The following GTF2I variants were observed in gnomAD, a reference collection of about 807,000 sequenced individuals.
GTF2I encodes the protein general transcription factor IIi.
GTF2I carries 12 observed loss-of-function variants against 67.6 expected under a neutral mutation model. The ratio of observed to expected loss-of-function variants is 0.18; its 90% CI spans 0.11 to 0.29. The LOEUF (loss-of-function observed/expected upper bound fraction) is 0.29, where lower values mean the gene tolerates loss of function less well. GTF2I is among the 10% of genes least tolerant of loss of function. The probability of loss-of-function intolerance (pLI) is 1.00; values close to 1 mark genes in which losing one functional copy is unlikely to be tolerated. For missense variants in GTF2I, 271 were observed against 580.1 expected, an observed-to-expected ratio of 0.47 and a Z score of 5.47; for synonymous variants, 149 against 197.0, an observed-to-expected ratio of 0.76 and a Z score of 2.04.
intron 9 of GTF2I, among the ~76,000 whole-genome samples, chr7:74,712,338 A>G (rs1791660140): frequency 6.6e-6 from 1 of 152,096 alleles, no homozygotes; most frequent in Admixed American, 6.6e-5. Flanking sequence ...CCCTCCAAGA[A>G]ACAACGTGTA....
At chr7:74,697,164 G>C (rs968041577) in intron 3 of GTF2I, among the ~76,000 whole-genome samples, 6 of 152,116 alleles carry the variant, frequency 3.9e-5, no homozygotes, top group Admixed American at 6.5e-5. Flanking sequence ...TTGGGAGGCA[G>C]AGGCAGGCGG....
chr7:74,724,132 T>C (rs1362995851), intron 12 of GTF2I, among the ~76,000 whole-genome samples: 2 of 149,876 alleles, frequency 1.3e-5, no homozygotes, highest in African/African-American at 5.1e-5. Context: ...TTGTTTTAAA[T>C]TTTTTTTATT....
At chr7:74,692,307 C>T (rs960224998) in intron 3 of GTF2I, among the ~76,000 whole-genome samples, 10 of 149,944 alleles carry the variant, frequency 6.7e-5, no homozygotes, top group Admixed American at 4.6e-4. Context: ...GCTCCTGACC[C>T]GAGGAGCCCA....
intron 1 of GTF2I, among the ~76,000 whole-genome samples, chr7:74,681,034 A>C (rs587625557): frequency 1.3e-5 from 2 of 152,354 alleles, no homozygotes; most frequent in East Asian, 3.9e-4. Flanking sequence ...AAATAGCAAC[A>C]GGCCAATTGA....
At chr7:74,719,054 C>T (rs746008429) in intron 12 of GTF2I, 113 bp downstream of exon 12, 4 of 580,998 alleles carry the variant, frequency 6.9e-6, no homozygotes, top group Admixed American at 3.6e-5. Flanking sequence ...ACTTGTGGGA[C>T]GAATACATGT....
chr7:74,683,853 C>T (rs1554394724), intron 1 of GTF2I, among the ~76,000 whole-genome samples: 1 of 151,968 alleles, frequency 6.6e-6, no homozygotes, highest in Non-Finnish European at 1.5e-5. Context: ...ACTCCTTCCC[C>T]CCACCAAAGA....
chr7:74,717,006 T>G, intron 11 of GTF2I, 56 bp downstream of exon 11: 2 of 1,548,390 alleles, frequency 1.3e-6, no homozygotes, highest in Non-Finnish European at 1.8e-6. Flanking sequence ...TTTATTCTAT[T>G]TTATAGATTC....
intron 12 of GTF2I, chr7:74,727,097 C>T (rs1486310950): frequency 2.0e-5 from 3 of 152,128 alleles, no homozygotes; most frequent in Non-Finnish European, 4.4e-5. Flanking sequence ...GTATCCTTTA[C>T]AAAAGCACTT....
intron 8 of GTF2I, among the ~76,000 whole-genome samples, chr7:74,708,388 TA>T (rs1260514530): frequency 6.6e-6 from 1 of 152,094 alleles, no homozygotes; most frequent in Non-Finnish European, 1.5e-5. Flanking sequence ...AGGTTTTTTT[TA>T]AGGAACAATT....
At chr7:74,723,972 C>T (rs892184212) in intron 12 of GTF2I, among the ~76,000 whole-genome samples, 3 of 151,994 alleles carry the variant, frequency 2.0e-5, no homozygotes, top group Non-Finnish European at 4.4e-5. Flanking sequence ...AGGTTGGTGG[C>T]AGGGGAGATA....
intron 1 of GTF2I, among the ~76,000 whole-genome samples, chr7:74,659,100 A>G (rs2131163572): frequency 6.6e-6 from 1 of 151,978 alleles, no homozygotes; most frequent in East Asian, 1.9e-4. Flanking sequence ...AAAAAAAATT[A>G]TTTGTGGAGA....
At chr7:74,721,639 G>C (rs1167630592) in intron 12 of GTF2I, among the ~76,000 whole-genome samples, 1 of 151,888 alleles carries the variant, frequency 6.6e-6, no homozygotes, top group Admixed American at 6.6e-5. Context: ...AACAAGGAAG[G>C]TCAAGTGAGA....
At chr7:74,717,549 G>A (rs992681086) in intron 11 of GTF2I, among the ~76,000 whole-genome samples, 1 of 152,036 alleles carries the variant, frequency 6.6e-6, no homozygotes, top group African/African-American at 2.4e-5. Context: ...TATTTCCAAG[G>A]TGTTTAAACG....
chr7:74,663,384 C>G (rs1804685762), intron 1 of GTF2I, among the ~76,000 whole-genome samples: 1 of 152,106 alleles, frequency 6.6e-6, no homozygotes, highest in Admixed American at 6.6e-5. Flanking sequence ...TTCCCGGGCT[C>G]AAGCGATTCT....
chr7:74,687,619 C>G, intron 1 of GTF2I: 2 of 844,932 alleles, frequency 2.4e-6, no homozygotes, highest in Non-Finnish European at 2.9e-6. Flanking sequence ...CACATGGTAA[C>G]AGATAAAGCT....
At chr7:74,689,445 C>G (rs1554396374) in intron 2 of GTF2I, among the ~76,000 whole-genome samples, 2 of 148,494 alleles carry the variant, frequency 1.3e-5, no homozygotes, top group African/African-American at 5.0e-5. Flanking sequence ...ACCTTTACCT[C>G]CCGGGTTCAA....
Position 74,686,580 on chromosome 7 carries a change from G to A in GTF2I, c.-5-2544G>A, listed in dbSNP as rs587647491. On this transcript the variant is annotated intron_variant, in intron 1 of 34. Coordinates refer to ENST00000573035, the MANE Select transcript of GTF2I (RefSeq NM_032999.4). ...ATTTTCAGAAATAATGAAAGTGTAC[G>A]CTAAGTGAATGTCTAATTATAGAAA... Among the ~76,000 whole-genome samples the A allele has an allele frequency of 3.9e-5, 6 of 152,306 alleles. No homozygotes were observed. The East Asian group carries it at 1.2e-3, about 29-fold the overall frequency.
rs781954570 is a variant in GTF2I, at chr7:74,690,953, G to GT, written c.100-17dup. 1 of 1,602,798 alleles carries GT rather than the reference G, an allele frequency of 6.2e-7. No individual in the cohort carries two copies. The highest frequency in any genetic ancestry group is 8.5e-7 in the Non-Finnish European group (1 of 1,176,984). The stretch of plus-strand genomic sequence containing the variant: ...CTTAAACGTCCGCCTGTAACATGAT[G>GT]TTTGCTGTTTGTATTGTAGTGTAAA... On this transcript the variant is annotated intron_variant, in intron 2 of 34. Coordinates refer to ENST00000573035, the MANE Select transcript of GTF2I (RefSeq NM_032999.4).
At chr7:74,698,427 A>G (rs1231970046) in intron 3 of GTF2I, among the ~76,000 whole-genome samples, 1 of 133,470 alleles carries the variant, frequency 7.5e-6, no homozygotes. Flanking sequence ...AATTTAAGAG[A>G]CACAGTCTCT....
Sources: gnomAD v4.1 joint callset for allele counts (sites outside exome capture counted in the v4.1 genomes callset) on GRCh38, gnomAD v4.1.1 for gene constraint, MANE v1.5 for transcripts, NCBI Gene and HGNC (gene_info 2026-07-23, HGNC 2026-07-21) for gene names.